PPP1R9A: variants seen among roughly 807,000 people sequenced by gnomAD.
The protein encoded by PPP1R9A is protein phosphatase 1 regulatory subunit 9A.
PPP1R9A carries 59 observed loss-of-function variants against 141.9 expected under a neutral mutation model. That is an observed-to-expected ratio of 0.42 (90% CI 0.34 to 0.52). The LOEUF is 0.52. Ranked by LOEUF, PPP1R9A falls within the 20% of genes least tolerant of loss-of-function variation. PPP1R9A has a pLI of 0.10. For missense variants in PPP1R9A, 1,444 were observed against 1,611.9 expected, an observed-to-expected ratio of 0.90 and a Z score of 1.78; for synonymous variants, 500 against 569.7, an observed-to-expected ratio of 0.88 and a Z score of 1.74.
At chr7:94,917,487 G>GC in intron 2 of PPP1R9A, among the ~76,000 whole-genome samples, 1 of 151,964 alleles carries the variant, frequency 6.6e-6, no homozygotes, top group Non-Finnish European at 1.5e-5. Context: ...GCTCACTGCA[G>GC]CCCTGACCTC....
chr7:95,098,880 G>C (rs974060422), intron 2 of PPP1R9A, among the ~76,000 whole-genome samples: 4 of 152,154 alleles, frequency 2.6e-5, no homozygotes, highest in African/African-American at 9.7e-5. Context: ...TCATGGGAGA[G>C]TGTAAACTTC....
intron 8 of PPP1R9A, among the ~76,000 whole-genome samples, chr7:95,231,681 T>G (rs1390481480): frequency 6.6e-6 from 1 of 152,070 alleles, no homozygotes; most frequent in African/African-American, 2.4e-5. Flanking sequence ...AATTTAAAAG[T>G]TATTCGAACT....
chr7:95,122,603 A>C (rs180864603), intron 4 of PPP1R9A, among the ~76,000 whole-genome samples: 17 of 152,356 alleles, frequency 1.1e-4, no homozygotes, highest in Admixed American at 1.1e-3. Flanking sequence ...GTTTGTATTC[A>C]TATAGCACTT....
chr7:95,024,902 CA>C (rs1806582368), intron 2 of PPP1R9A, among the ~76,000 whole-genome samples: 1 of 152,110 alleles, frequency 6.6e-6, no homozygotes, highest in African/African-American at 2.4e-5. Flanking sequence ...TATGTTTTTG[CA>C]GTGGCTCGTA....
intron 2 of PPP1R9A, among the ~76,000 whole-genome samples, chr7:94,939,817 T>TACACACACACAC (rs4014722): frequency 5.5e-5 from 8 of 145,256 alleles, no homozygotes; most frequent in Admixed American, 2.8e-4. Context: ...TATATATGTG[T>TACACACACACAC]ACACACACAC....
At chr7:95,159,901 G>A (rs184060263) in intron 4 of PPP1R9A, among the ~76,000 whole-genome samples, 1 of 148,248 alleles carries the variant, frequency 6.7e-6, no homozygotes, top group South Asian at 2.2e-4. Flanking sequence ...ACTCCAGCCT[G>A]GGTGACAGAG....
chr7:95,078,502 G>A (rs1457880494), intron 2 of PPP1R9A, among the ~76,000 whole-genome samples: 1 of 151,842 alleles, frequency 6.6e-6, no homozygotes, highest in Non-Finnish European at 1.5e-5. Context: ...ACCCAGTAAT[G>A]GGATGGCTGG....
chr7:95,141,587 C>T (rs574765677), intron 4 of PPP1R9A, among the ~76,000 whole-genome samples: 1 of 151,996 alleles, frequency 6.6e-6, no homozygotes, highest in South Asian at 2.1e-4. Flanking sequence ...ATTTGGCTCT[C>T]CTGGCCATTT....
intron 2 of PPP1R9A, among the ~76,000 whole-genome samples, chr7:94,929,471 G>C (rs1427573343): frequency 6.6e-6 from 1 of 152,118 alleles, no homozygotes; most frequent in African/African-American, 2.4e-5. Context: ...TAACAGCGAG[G>C]CACAGAAAAG....
intron 7 of PPP1R9A, among the ~76,000 whole-genome samples, chr7:95,207,216 A>C (rs1468239055): frequency 9.2e-5 from 14 of 152,104 alleles, no homozygotes; most frequent in Admixed American, 9.2e-4. Context: ...GAAGAAAGGG[A>C]GGGAGGAAAA....
At chr7:95,268,821 C>G in intron 13 of PPP1R9A, 114 bp downstream of exon 13, 2 of 1,242,110 alleles carry the variant, frequency 1.6e-6, no homozygotes, top group South Asian at 3.4e-5. Flanking sequence ...AGTTGGTAAG[C>G]AGCTAGAATA....
intron 2 of PPP1R9A, among the ~76,000 whole-genome samples, chr7:95,019,855 T>C (rs1805655076): frequency 6.6e-6 from 1 of 152,158 alleles, no homozygotes; most frequent in African/African-American, 2.4e-5. Flanking sequence ...CTCCTAGTTA[T>C]TTATACAAGA....
At chr7:95,075,508 A>G (rs1210153692) in intron 2 of PPP1R9A, among the ~76,000 whole-genome samples, 1 of 152,160 alleles carries the variant, frequency 6.6e-6, no homozygotes, top group Non-Finnish European at 1.5e-5. Flanking sequence ...TTTGGGGCTT[A>G]TATACCAACT....
chr7:94,949,367 C>A (rs1258812975), intron 2 of PPP1R9A, among the ~76,000 whole-genome samples: 1 of 152,044 alleles, frequency 6.6e-6, no homozygotes, highest in African/African-American at 2.4e-5. Context: ...TTCATGAGGA[C>A]TATTGTTGTA....
intron 2 of PPP1R9A, among the ~76,000 whole-genome samples, chr7:95,080,336 A>G (rs1412993986): frequency 1.3e-5 from 2 of 151,746 alleles, no homozygotes; most frequent in African/African-American, 2.4e-5. Flanking sequence ...ACTCCCATTC[A>G]CAATTGCTTC....
intron 2 of PPP1R9A, among the ~76,000 whole-genome samples, chr7:95,028,179 C>G (rs1427389250): frequency 6.6e-6 from 1 of 152,036 alleles, no homozygotes; most frequent in Non-Finnish European, 1.5e-5. Flanking sequence ...CCTCAGAAGA[C>G]AATACTGTAG....
At chr7:95,123,719 C>T (rs1165695909) in intron 4 of PPP1R9A, among the ~76,000 whole-genome samples, 3 of 152,030 alleles carry the variant, frequency 2.0e-5, no homozygotes, top group Non-Finnish European at 4.4e-5. Context: ...TAACTAGGAG[C>T]CTTCATTCCA....
At chr7:95,259,237 T>C (rs1177418783) in intron 12 of PPP1R9A, among the ~76,000 whole-genome samples, 1 of 151,690 alleles carries the variant, frequency 6.6e-6, no homozygotes, top group Non-Finnish European at 1.5e-5. Context: ...CAGAGAGGGC[T>C]TCAAAAGTAA....
At chr7:95,143,815 C>A (rs1184869757) in intron 4 of PPP1R9A, among the ~76,000 whole-genome samples, 3 of 151,846 alleles carry the variant, frequency 2.0e-5, no homozygotes, top group Admixed American at 2.0e-4. Flanking sequence ...TTTCCTAGTT[C>A]TACTTCCTGT....
Sources: gnomAD v4.1 joint callset for allele counts (sites outside exome capture counted in the v4.1 genomes callset) on GRCh38, gnomAD v4.1.1 for gene constraint, MANE v1.5 for transcripts, NCBI Gene and HGNC (gene_info 2026-07-23, HGNC 2026-07-21) for gene names.